AGO1: variants seen among roughly 807,000 people sequenced by gnomAD.
AGO1 encodes the protein argonaute RISC component 1.
AGO1 carries 11 observed loss-of-function variants against 109.2 expected under a neutral mutation model. That is an observed-to-expected ratio of 0.10 (90% CI 0.06 to 0.17). AGO1 has a LOEUF of 0.17. Among genes scored for constraint, AGO1 ranks in the 10% least tolerant of loss-of-function variants. The pLI, the probability that AGO1 is intolerant of heterozygous loss-of-function variation, is 1.00. For synonymous variants in AGO1, 422 were observed against 418.6 expected, an observed-to-expected ratio of 1.01 and a Z score of -0.10; for missense variants, 574 against 1,140.3, an observed-to-expected ratio of 0.50 and a Z score of 7.15.
At chr1:35,918,589 C>G (rs1410555485) in intron 17 of AGO1, among the ~76,000 whole-genome samples, 166 bp downstream of exon 17, 1 of 152,192 alleles carries the variant, frequency 6.6e-6, no homozygotes, top group Non-Finnish European at 1.5e-5. Flanking sequence ...ACTCTGTCCC[C>G]CAGGCTGGAG....
chr1:35,889,401 G>A (rs973773783), intron 2 of AGO1, among the ~76,000 whole-genome samples: 6 of 151,532 alleles, frequency 4.0e-5, no homozygotes, highest in African/African-American at 1.2e-4. Flanking sequence ...TAGTAGAGAC[G>A]GAGTTTCACC....
chr1:35,900,707 A>G (rs1318404202), intron 8 of AGO1, among the ~76,000 whole-genome samples: 4 of 152,176 alleles, frequency 2.6e-5, no homozygotes, highest in African/African-American at 9.6e-5. Flanking sequence ...AGCCTGGGCA[A>G]GAAGAGCAAA....
chr1:35,893,298 TCTGGG>T lies in AGO1; in HGVS notation c.512+23_512+27del. On this transcript the variant is annotated intron_variant, in intron 4 of 18. Transcript: ENST00000373204. This position sits in a 1 kb window ranked among gnomAD's most constrained non-coding sequence, Gnocchi z 5.6. ...CATGAGGTATTGGGTGTAGTTAGTA[TCTGGG>T]CTACTAGTGTTGGCAGAACTGCTGT... 2 of 1,607,304 alleles carry T rather than the reference TCTGGG, an allele frequency of 1.2e-6. No homozygotes were observed. Among genetic ancestry groups the T allele is most frequent in the Non-Finnish European group, 1.7e-6 (2 of 1,174,928 alleles).
At chr1:35,887,244 A>C (rs1404314949) in intron 1 of AGO1, among the ~76,000 whole-genome samples, 1 of 152,072 alleles carries the variant, frequency 6.6e-6, no homozygotes, top group Non-Finnish European at 1.5e-5. Context: ...AGCTGAGGGT[A>C]TGCCCCATCC....
At position 35,919,375 on chromosome 1, in the gene AGO1, C is replaced by G. The variant is rs1426290322; in HGVS notation, c.2465+121C>G. 6.8e-7 allele frequency: 1 copy of G among 1,459,912 alleles called. No individual in the cohort carries two copies. The highest frequency in any genetic ancestry group is 9.3e-7 in the Non-Finnish European group (1 of 1,071,632). 90.4% of individuals were successfully genotyped at this position (1,459,912 alleles called of 1,614,324 possible). A position where few individuals can be genotyped will look rare whatever the true frequency, so the allele number is the denominator to read the frequency against. On this transcript the variant is annotated intron_variant, in intron 18 of 18. Coordinates refer to ENST00000373204, the MANE Select transcript of AGO1 (RefSeq NM_012199.5). This position sits in a 1 kb window ranked among gnomAD's most constrained non-coding sequence, Gnocchi z 6.6. ...AATTTGGTGTCATTGGGCTCGTCTG[C>G]CCAATCCTGGGTTGGGTTTCTCTCT...
intron 15 of AGO1, among the ~76,000 whole-genome samples, chr1:35,916,114 A>G (rs962624805): frequency 4.0e-5 from 6 of 151,216 alleles, no homozygotes; most frequent in South Asian, 2.1e-4. Context: ...TGAACTTCCT[A>G]TGTGCCATGA....
Position 35,893,062 on chromosome 1 carries a change from G to T in AGO1, c.331-35G>T. Reference sequence around the variant, plus strand: ...TGGGGGTCATTCTCGCAGAGCAATGGCAATCCTTCATCCCTTTCTTTCACC... The same window carrying T: ...TGGGGGTCATTCTCGCAGAGCAATGTCAATCCTTCATCCCTTTCTTTCACC... On this transcript the variant is annotated intron_variant, in intron 3 of 18. Coordinates refer to ENST00000373204, the MANE Select transcript of AGO1 (RefSeq NM_012199.5). The surrounding 1 kb of genome is among the most constrained non-coding windows in gnomAD (Gnocchi z 5.6). 6.3e-7 allele frequency: 1 copy of T among 1,596,158 alleles called. No individual in the cohort carries two copies. The highest frequency in any genetic ancestry group is 8.6e-7 in the Non-Finnish European group (1 of 1,167,048).
chr1:35,878,242 C>A (rs771210501), upstream of AGO1, among the ~76,000 whole-genome samples: 1 of 151,734 alleles, frequency 6.6e-6, no homozygotes, highest in Non-Finnish European at 1.5e-5. Context: ...CACCACCATG[C>A]CTGGCTAATT....
In AGO1 at chr1:35,915,413, G is replaced by A; in HGVS notation, c.1899G>A (p.Arg633=). The change falls in exon 15 of 19, where the codon CGG becomes CGA. Residue 633 remains arginine, a synonymous_variant. Transcript: ENST00000373204. ...YCATVRVQRP[R]QEIIEDLSYM... is the part of the protein sequence containing the mutation. The stretch of plus-strand genomic sequence containing the variant: ...CTACTGTGCGGGTACAGCGACCACG[G>A]CAAGAGATCATTGAAGACTTGTCCT... The A allele has an allele frequency of 6.2e-7, 1 of 1,614,076 alleles. No individual in the cohort carries two copies. Among genetic ancestry groups the A allele is most frequent in the Non-Finnish European group, 8.5e-7 (1 of 1,180,022 alleles).
At chr1:35,887,478 C>G (rs899487741) in intron 1 of AGO1, among the ~76,000 whole-genome samples, 1 of 152,180 alleles carries the variant, frequency 6.6e-6, no homozygotes, top group African/African-American at 2.4e-5. Flanking sequence ...TACCCTATCC[C>G]TTTCCCAAGG....
upstream of AGO1, among the ~76,000 whole-genome samples, chr1:35,882,495 A>G (rs1324662155): frequency 1.3e-5 from 2 of 152,226 alleles, no homozygotes; most frequent in East Asian, 1.9e-4. The surrounding 1 kb of genome is among the most constrained non-coding windows in gnomAD (Gnocchi z 5.1). Flanking sequence ...AAATAATTGA[A>G]AAGTATCCTT....
At chr1:35,885,823 T>A (rs1645111339) in intron 1 of AGO1, among the ~76,000 whole-genome samples, 1 of 152,184 alleles carries the variant, frequency 6.6e-6, no homozygotes, top group Non-Finnish European at 1.5e-5. Flanking sequence ...ACATGTTTAT[T>A]AATTAAATCA....
At position 35,893,470 on chromosome 1, in the gene AGO1, C is replaced by T; in HGVS notation, c.512+192C>T. The T allele has an allele frequency of 1.2e-6, 1 of 803,406 alleles. No homozygotes were observed. Among genetic ancestry groups the T allele is most frequent in the Non-Finnish European group, 1.9e-6 (1 of 523,982 alleles). 49.8% of individuals were successfully genotyped at this position (803,406 alleles called of 1,614,324 possible). ...CCCTGGCCCTGAACTTCTTAGATAT[C>T]TTTGGGCCTCATCCCATCTGTCCCT... is the stretch of plus-strand genomic sequence containing the variant. On this transcript the variant is annotated intron_variant, in intron 4 of 18. Coordinates refer to ENST00000373204, the MANE Select transcript of AGO1 (RefSeq NM_012199.5). The surrounding 1 kb of genome is among the most constrained non-coding windows in gnomAD (Gnocchi z 5.6).
intron 1 of AGO1, among the ~76,000 whole-genome samples, chr1:35,872,194 T>C (rs1644957399): frequency 6.6e-6 from 1 of 150,470 alleles, no homozygotes. Context: ...TTTCTTTTTT[T>C]TTTTTTTTTG....
intron 15 of AGO1, 122 bp from the exon 16 acceptor site, chr1:35,917,471 A>T (rs1645754168): frequency 3.6e-6 from 4 of 1,118,452 alleles, no homozygotes; most frequent in East Asian, 2.4e-5. Context: ...GAGCATCAGC[A>T]TATAAAGGGA....
At position 35,919,321 on chromosome 1, in the gene AGO1, C is replaced by T; in HGVS notation, c.2465+67C>T. 2 of 1,545,684 alleles carry T rather than the reference C, an allele frequency of 1.3e-6. No homozygotes were observed. Among genetic ancestry groups the T allele is most frequent in the South Asian group, 1.2e-5 (1 of 85,018 alleles). On this transcript the variant is annotated intron_variant, in intron 18 of 18. Transcript: ENST00000373204. This position sits in a 1 kb window ranked among gnomAD's most constrained non-coding sequence, Gnocchi z 6.6. ...TATTGTGCCAGATCTTCTTAACTTTCCTTGGGTAGAAGGAAATGAGTGCTG... is the reference window on the plus strand; with the variant it reads ...TATTGTGCCAGATCTTCTTAACTTTTCTTGGGTAGAAGGAAATGAGTGCTG...
intron 8 of AGO1, among the ~76,000 whole-genome samples, chr1:35,900,981 C>A (rs1400413134): frequency 6.6e-6 from 1 of 151,296 alleles, no homozygotes; most frequent in Admixed American, 6.6e-5. Context: ...GGTTGAATTG[C>A]CCTTTTTTTT....
rs138262926 is a variant in AGO1 at position 35,917,676 on chromosome 1, G to C, written c.2112G>C (p.Val704=). ...KDYQPGITYI[V]VQKRHHTRLF... is the part of the protein sequence containing the mutation. ...ACCAGCCTGGGATCACTTATATTGT[G>C]GTGCAGAAACGCCATCACACCCGCC... Residue 704 remains valine, a synonymous_variant, in exon 16 of 19, where the codon GTG becomes GTC. Coordinates refer to ENST00000373204, the MANE Select transcript of AGO1 (RefSeq NM_012199.5). 6.2e-7 allele frequency: 1 copy of C among 1,613,390 alleles called. No individual in the cohort carries two copies. The highest frequency in any genetic ancestry group is 1.3e-5 in the African/African-American group (1 of 74,886).
At position 35,929,259 on chromosome 1, in the gene AGO1, T is replaced by C. The variant is rs1645989950; in HGVS notation, c.*9652T>C. On this transcript the variant is annotated 3_prime_UTR_variant, in exon 19 of 19. Coordinates refer to ENST00000373204, the MANE Select transcript of AGO1 (RefSeq NM_012199.5). The stretch of plus-strand genomic sequence containing the variant: ...TCCTACTTCTTGATATTACAAATCA[T>C]GAGCCTTTCACATGCATTGACTCTA... The C allele has an allele frequency of 6.6e-6, 1 of 152,264 alleles. No individual in the cohort carries two copies. The allele number at this position is 152,264 out of a possible 1,614,324, so 9.4% of individuals were successfully genotyped here.
Sources: gnomAD v4.1 joint callset for allele counts (sites outside exome capture counted in the v4.1 genomes callset) on GRCh38, gnomAD v4.1.1 for gene constraint, Gnocchi (gnomAD v3.1) non-coding constraint, MANE v1.5 for transcripts, NCBI Gene and HGNC (gene_info 2026-07-23, HGNC 2026-07-21) for gene names.